Variants in TFPI observed in about 807,000 individuals in gnomAD.
The protein encoded by TFPI is tissue factor pathway inhibitor, also known as anti-convertin.
TFPI carries 15 observed loss-of-function variants against 34.6 expected under a neutral mutation model. The ratio of observed to expected loss-of-function variants is 0.43; its 90% CI spans 0.29 to 0.67. The LOEUF (loss-of-function observed/expected upper bound fraction) is 0.67, where lower values mean the gene tolerates loss of function less well. Among genes scored for constraint, TFPI ranks in the 30% least tolerant of loss-of-function variants. The pLI, the probability that TFPI is intolerant of heterozygous loss-of-function variation, is 0.15. For synonymous variants in TFPI, 105 were observed against 120.1 expected, an observed-to-expected ratio of 0.87 and a Z score of 0.82; for missense variants, 301 against 364.0, an observed-to-expected ratio of 0.83 and a Z score of 1.41.
chr2:187,503,651 T>C lies in TFPI; in HGVS notation c.118A>G (p.Thr40Ala), dbSNP rs752279808. 1 of 1,612,290 alleles carries C rather than the reference T, an allele frequency of 6.2e-7. No homozygotes were observed. The highest frequency in any genetic ancestry group is 1.3e-5 in the African/African-American group (1 of 74,984). Reference sequence around the variant, plus strand: ...ATAATTGCTTCTAATATTTTACCTGTGATAATTGTGTGTTCTTCATCTTCC... The same window carrying C: ...ATAATTGCTTCTAATATTTTACCTGCGATAATTGTGTGTTCTTCATCTTCC... The part of the protein sequence containing the change: ...SEEDEEHTII[T>A]DTELPPLKLM... Residue 40 changes from threonine (T) to alanine (A), a missense_variant, in exon 2 of 8, where the codon ACA (threonine) becomes GCA (alanine). Physicochemically the swap from Thr to Ala is moderately conservative, Grantham distance 58. Transcript: ENST00000233156.
rs116511230 is a variant in TFPI, at chr2:187,551,074, T to G, written c.-3+3126A>C. Among the ~76,000 whole-genome samples, 871 of 152,294 alleles carry G rather than the reference T, an allele frequency of 5.7e-3. 8 individuals carry two copies. Among genetic ancestry groups the G allele is most frequent in the African/African-American group, 0.02 (825 of 41,560 alleles). On this transcript the variant is annotated intron_variant, in intron 1 of 7. Transcript: ENST00000233156. ...GCTTGGTAATAAAAACTGTTTACAT[T>G]TTATCAGTGTCCTACTGATGAATAC...
intron 1 of TFPI, among the ~76,000 whole-genome samples, chr2:187,550,876 A>AAATGAGG (rs1304063046): frequency 6.6e-6 from 1 of 152,014 alleles, no homozygotes; most frequent in Non-Finnish European, 1.5e-5. Flanking sequence ...AAGCCTTGGG[A>AAATGAGG]AATGAGGAAT....
chr2:187,509,931 T>G (rs1351040260), intron 1 of TFPI, among the ~76,000 whole-genome samples: 4 of 152,194 alleles, frequency 2.6e-5, no homozygotes, highest in Non-Finnish European at 5.9e-5. Context: ...CTCCCCGTTT[T>G]AGTTTCAGTA....
intron 3 of TFPI, among the ~76,000 whole-genome samples, chr2:187,494,320 AC>A (rs1278243573): frequency 6.6e-6 from 1 of 151,962 alleles, no homozygotes; most frequent in Non-Finnish European, 1.5e-5. Flanking sequence ...AAAAACCACA[AC>A]CACTTCTGCT....
intron 3 of TFPI, among the ~76,000 whole-genome samples, chr2:187,488,846 A>C (rs1385282955): frequency 1.3e-5 from 2 of 151,432 alleles, no homozygotes; most frequent in Non-Finnish European, 3.0e-5. Flanking sequence ...TGCAAGTTTC[A>C]TTATTATTAC....
chr2:187,543,968 A>C (rs1486291960), intron 1 of TFPI, among the ~76,000 whole-genome samples: 1 of 152,200 alleles, frequency 6.6e-6, no homozygotes, highest in Non-Finnish European at 1.5e-5. Context: ...GATGGAAATA[A>C]AAATATAGGA....
At chr2:187,478,616 A>G (rs531554406) in intron 6 of TFPI, 2 of 1,568,118 alleles carry the variant, frequency 1.3e-6, no homozygotes, top group African/African-American at 1.4e-5. Context: ...TATTAGCAGT[A>G]TGCTATCAAA....
At chr2:187,526,789 T>C (rs1017298296) in intron 1 of TFPI, 3 of 152,162 alleles carry the variant, frequency 2.0e-5, no homozygotes, top group Non-Finnish European at 4.4e-5. Context: ...ATGAGTACTT[T>C]GCCATGTCTA....
chr2:187,548,492 T>C (rs1243986585), intron 1 of TFPI, among the ~76,000 whole-genome samples: 2 of 152,136 alleles, frequency 1.3e-5, no homozygotes, highest in Non-Finnish European at 2.9e-5. Flanking sequence ...AGTGCAAGTA[T>C]ATACTTGCAG....
intron 1 of TFPI, among the ~76,000 whole-genome samples, chr2:187,533,198 C>T (rs1287233826): frequency 1.3e-5 from 2 of 152,194 alleles, no homozygotes; most frequent in African/African-American, 4.8e-5. Flanking sequence ...TATCCCAGCA[C>T]AGTGTTCGAG....
At chr2:187,494,236 A>T (rs1253990939) in intron 3 of TFPI, among the ~76,000 whole-genome samples, 1 of 149,976 alleles carries the variant, frequency 6.7e-6, no homozygotes. Flanking sequence ...CCCACAACAT[A>T]TGGGAATTAT....
At chr2:187,531,670 A>T (rs1445172634) in intron 1 of TFPI, among the ~76,000 whole-genome samples, 1 of 152,184 alleles carries the variant, frequency 6.6e-6, no homozygotes, top group Non-Finnish European at 1.5e-5. Context: ...AAATTAAAAA[A>T]GGTTTACCAA....
At chr2:187,482,035 C>A (rs900507409) in intron 6 of TFPI, among the ~76,000 whole-genome samples, 2 of 152,028 alleles carry the variant, frequency 1.3e-5, no homozygotes, top group African/African-American at 4.8e-5. Context: ...TACTTTCTCA[C>A]ACTAATTTTT....
chr2:187,553,200 C>T lies in TFPI; in HGVS notation c.-3+1000G>A, dbSNP rs562060825. ...ATCTCTCAAAATTGTCACAACTTTC[C>T]CCCTTTCATGTAAATATTATGCTTT... On this transcript the variant is annotated intron_variant, in intron 1 of 7. Transcript: ENST00000233156. Among the ~76,000 whole-genome samples, 8 of 152,070 alleles carry T rather than the reference C, an allele frequency of 5.3e-5. No homozygotes were observed. In the East Asian group the frequency reaches 1.5e-3, roughly 29 times the overall value.
intron 2 of TFPI, among the ~76,000 whole-genome samples, 176 bp downstream of exon 2, chr2:187,503,462 TACACACACAC>T (rs138349562): frequency 4.2e-4 from 60 of 142,318 alleles, no homozygotes; most frequent in African/African-American, 9.1e-4. Context: ...CATGTGCATG[TACACACACAC>T]ACACACACAC....
chr2:187,546,864 A>G (rs1688896151), intron 1 of TFPI: 1 of 152,228 alleles, frequency 6.6e-6, no homozygotes, highest in South Asian at 2.1e-4. Context: ...TTGTTAGTTA[A>G]AATCAATCTA....
At chr2:187,481,541 T>C (rs1415979250) in intron 6 of TFPI, among the ~76,000 whole-genome samples, 1 of 151,528 alleles carries the variant, frequency 6.6e-6, no homozygotes, top group Non-Finnish European at 1.5e-5. Flanking sequence ...TTAAGAAGAA[T>C]GGCAACATAG....
intron 1 of TFPI, chr2:187,519,247 T>G (rs1687211965): frequency 6.6e-6 from 1 of 152,474 alleles, no homozygotes; most frequent in Non-Finnish European, 1.5e-5. Flanking sequence ...TCAGCCTTTT[T>G]GCGCTGGTTT....
chr2:187,529,794 C>T (rs986037711), intron 1 of TFPI, among the ~76,000 whole-genome samples: 1 of 152,168 alleles, frequency 6.6e-6, no homozygotes, highest in Non-Finnish European at 1.5e-5. Flanking sequence ...CCCTAGAGTG[C>T]ACTTTCTAAT....
Sources: gnomAD v4.1 joint callset for allele counts (sites outside exome capture counted in the v4.1 genomes callset) on GRCh38, gnomAD v4.1.1 for gene constraint, MANE v1.5 for transcripts, NCBI Gene and HGNC (gene_info 2026-07-23, HGNC 2026-07-21) for gene names.